The following ARHGEF7 variants were observed in gnomAD, a reference collection of about 807,000 sequenced individuals.
ARHGEF7 encodes the protein Rho guanine nucleotide exchange factor 7.
Under a neutral mutation model 109.8 loss-of-function variants are expected in ARHGEF7, and 33 were observed. That is an observed-to-expected ratio of 0.30 (90% confidence interval 0.23 to 0.40). ARHGEF7 has a LOEUF of 0.40. ARHGEF7 is among the 10% of genes least tolerant of loss of function. The probability of loss-of-function intolerance (pLI) is 1.00; values close to 1 mark genes in which losing one functional copy is unlikely to be tolerated. For synonymous variants in ARHGEF7, 458 were observed against 424.6 expected (o/e 1.08, Z -0.97); for missense variants, 938 against 1,098.5 (o/e 0.85, Z 2.07).
intron 21 of ARHGEF7, among the ~76,000 whole-genome samples, chr13:111,302,067 A>T (rs1480262978): frequency 6.6e-6 from 1 of 152,230 alleles, no homozygotes; most frequent in East Asian, 1.9e-4. Context: ...CTGTTGGAAG[A>T]ATAATTTAAA....
At chr13:111,171,368 T>C (rs947271473) in intron 2 of ARHGEF7, among the ~76,000 whole-genome samples, 1 of 152,116 alleles carries the variant, frequency 6.6e-6, no homozygotes, top group Non-Finnish European at 1.5e-5. Context: ...CTGAACAGAG[T>C]GTGGCTGCTC....
intron 19 of ARHGEF7, among the ~76,000 whole-genome samples, chr13:111,300,055 TTAAAA>T (rs2093528908): frequency 6.6e-6 from 1 of 152,238 alleles, no homozygotes. Flanking sequence ...TCCTCACCTT[TTAAAA>T]TGAGTATTTT....
intron 19 of ARHGEF7, chr13:111,294,893 G>GTA: frequency 2.0e-6 from 2 of 985,822 alleles, no homozygotes; most frequent in Non-Finnish European, 2.4e-6. Context: ...CTTGCCACAA[G>GTA]TATATAATAA....
intron 2 of ARHGEF7, among the ~76,000 whole-genome samples, chr13:111,172,762 C>G (rs1002267955): frequency 3.3e-5 from 5 of 152,140 alleles, no homozygotes; most frequent in Non-Finnish European, 7.4e-5. Context: ...CTTGTGGGGG[C>G]TGGGGTGGGG....
At chr13:111,221,679 C>T (rs1435256684) in intron 5 of ARHGEF7, among the ~76,000 whole-genome samples, 3 of 133,646 alleles carry the variant, frequency 2.2e-5, no homozygotes, top group Non-Finnish European at 4.8e-5. Context: ...TAATAAACTC[C>T]CCTTAATAAA....
chr13:111,158,580 G>A (rs796506908), intron 2 of ARHGEF7, among the ~76,000 whole-genome samples: 3 of 152,290 alleles, frequency 2.0e-5, no homozygotes, highest in African/African-American at 7.2e-5. Flanking sequence ...GGCCCAGGTG[G>A]TTCAGAACAG....
intron 8 of ARHGEF7, among the ~76,000 whole-genome samples, chr13:111,245,956 AT>A (rs1325407045): frequency 6.6e-6 from 1 of 152,218 alleles, no homozygotes; most frequent in African/African-American, 2.4e-5. Context: ...AACCACAAAT[AT>A]GTTTGCAGCA....
intron 5 of ARHGEF7, among the ~76,000 whole-genome samples, chr13:111,219,577 G>A (rs117760057): frequency 6.6e-6 from 1 of 152,226 alleles, no homozygotes; most frequent in East Asian, 1.9e-4. Context: ...TTTCCCCAGC[G>A]GCTGGACCAT....
intron 1 of ARHGEF7, among the ~76,000 whole-genome samples, chr13:111,136,889 G>A (rs1230886531): frequency 9.9e-5 from 15 of 152,096 alleles, no homozygotes; most frequent in Admixed American, 7.9e-4. Context: ...TCAAGTGGAC[G>A]CAATAAAAAA....
chr13:111,241,353 G>T (rs770493476), intron 6 of ARHGEF7: 1 of 1,535,794 alleles, frequency 6.5e-7, no homozygotes, highest in African/African-American at 1.4e-5. Context: ...GGCACCCCCG[G>T]CTGCGCCCCG....
rs970557867 is a variant in ARHGEF7, at chr13:111,255,867, G to A, written c.950+11573G>A. Among the ~76,000 whole-genome samples, 16 of 152,328 alleles carry A rather than the reference G, an allele frequency of 1.1e-4. No individual in the cohort carries two copies. Among genetic ancestry groups the A allele is most frequent in the Admixed American group, 3.9e-4 (6 of 15,308 alleles). Reference sequence around the variant, plus strand: ...GTGCTGCGTTTCTCTTGGCTCTGTCGTTTGGGGATGTCTGACAGGCAGTTG... The same window carrying A: ...GTGCTGCGTTTCTCTTGGCTCTGTCATTTGGGGATGTCTGACAGGCAGTTG... On this transcript the variant is annotated intron_variant, in intron 8 of 21. Coordinates refer to ENST00000646102, the MANE Select transcript of ARHGEF7 (RefSeq NM_001354046.2). The surrounding 1 kb of genome is among the most constrained non-coding windows in gnomAD (Gnocchi z 4.1).
intron 5 of ARHGEF7, among the ~76,000 whole-genome samples, chr13:111,221,185 ATG>A (rs1491449393): frequency 2.7e-5 from 2 of 74,496 alleles, no homozygotes; most frequent in Non-Finnish European, 2.7e-5. Context: ...ATAGATATAT[ATG>A]TCTATATATA....
intron 8 of ARHGEF7, among the ~76,000 whole-genome samples, chr13:111,261,562 G>A (rs1251000059): frequency 2.0e-5 from 3 of 152,104 alleles, no homozygotes; most frequent in Admixed American, 6.5e-5. Context: ...ATACAGAAAA[G>A]CAACAAAGAC....
chr13:111,226,537 C>A (rs559125561), intron 5 of ARHGEF7, among the ~76,000 whole-genome samples: 1 of 152,338 alleles, frequency 6.6e-6, no homozygotes, highest in South Asian at 2.1e-4. Context: ...GATGGTGGCA[C>A]ATCTGCTTGT....
At chr13:111,289,716 T>A (rs1322391924) in intron 18 of ARHGEF7, among the ~76,000 whole-genome samples, 2 of 152,224 alleles carry the variant, frequency 1.3e-5, no homozygotes, top group Non-Finnish European at 2.9e-5. Flanking sequence ...TGCTTTAGCT[T>A]TTATCAAAGA....
intron 1 of ARHGEF7, among the ~76,000 whole-genome samples, chr13:111,133,756 CTTTTCTTT>C (rs1334025203): frequency 1.1e-5 from 1 of 87,046 alleles, no homozygotes; most frequent in Non-Finnish European, 2.2e-5. Context: ...AGAGAATCTG[CTTTTCTTT>C]ATATATATAT....
intron 1 of ARHGEF7, chr13:111,153,702 C>A: frequency 3.0e-6 from 4 of 1,314,278 alleles, no homozygotes; most frequent in Non-Finnish European, 3.9e-6. Context: ...ATTGGTGCAG[C>A]CCCGGAGGAA....
At chr13:111,226,542 G>C (rs1249575187) in intron 5 of ARHGEF7, among the ~76,000 whole-genome samples, 1 of 152,214 alleles carries the variant, frequency 6.6e-6, no homozygotes, top group Non-Finnish European at 1.5e-5. Flanking sequence ...TGGCACATCT[G>C]CTTGTGTCAT....
chr13:111,125,856 A>G (rs1265492197), intron 1 of ARHGEF7, among the ~76,000 whole-genome samples: 2 of 152,264 alleles, frequency 1.3e-5, no homozygotes, highest in African/African-American at 4.8e-5. Flanking sequence ...AACACATGCC[A>G]AAAGATTGTG....
Sources: allele counts gnomAD v4.1 joint callset (sites outside exome capture counted in the v4.1 genomes callset), GRCh38; gene constraint gnomAD v4.1.1; non-coding constraint Gnocchi (gnomAD v3.1); transcripts MANE v1.5; gene names NCBI Gene and HGNC (gene_info 2026-07-23, HGNC 2026-07-21).